Variants in BFSP2 observed in about 807,000 individuals in gnomAD.
The protein encoded by BFSP2 is phakinin.
Under a neutral mutation model 44.9 loss-of-function variants are expected in BFSP2, and 38 were observed. That is an observed-to-expected ratio of 0.85 (90% CI 0.65 to 1.11). The LOEUF (loss-of-function observed/expected upper bound fraction) is 1.11. BFSP2 is among the 50% of genes least tolerant of loss of function. The pLI is 0.00. For synonymous variants in BFSP2, 197 were observed against 209.9 expected (o/e 0.94, Z 0.53); for missense variants, 525 against 533.0 (o/e 0.99, Z 0.15).
chr3:133,428,459 G>A (rs999637323), intron 1 of BFSP2, among the ~76,000 whole-genome samples: 6 of 140,514 alleles, frequency 4.3e-5, no homozygotes, highest in East Asian at 2.1e-4. Flanking sequence ...CACATGGAAC[G>A]TGGGGACACA....
At chr3:133,471,217 G>A (rs771828896) in intron 5 of BFSP2, among the ~76,000 whole-genome samples, 57 of 152,204 alleles carry the variant, frequency 3.7e-4, no homozygotes, top group Non-Finnish European at 7.3e-4. Flanking sequence ...AACTCAGGAA[G>A]AGGAGGAACT....
At chr3:133,424,220 T>A (rs1428200611) in intron 1 of BFSP2, among the ~76,000 whole-genome samples, 1 of 62,798 alleles carries the variant, frequency 1.6e-5, no homozygotes, top group Non-Finnish European at 3.5e-5. Context: ...TAATTTTTTT[T>A]TTTTTTTTTT....
At chr3:133,419,530 C>T (rs1226635064) in intron 1 of BFSP2, among the ~76,000 whole-genome samples, 1 of 152,194 alleles carries the variant, frequency 6.6e-6, no homozygotes, top group Non-Finnish European at 1.5e-5. Flanking sequence ...GAGCTATAGT[C>T]GACACAGGCC....
intron 1 of BFSP2, among the ~76,000 whole-genome samples, chr3:133,411,953 T>C (rs755991942): frequency 9.9e-5 from 15 of 152,192 alleles, no homozygotes; most frequent in Non-Finnish European, 1.9e-4. Context: ...TTAAAAAATA[T>C]ATTAGACACG....
At chr3:133,424,583 T>C (rs1871356) in intron 1 of BFSP2, among the ~76,000 whole-genome samples, 127,693 of 152,056 alleles carry the variant, frequency 0.84, 53,866 homozygotes, top group Middle Eastern at 0.94. Context: ...CCACCTGCCA[T>C]CATGGTCCTG....
At chr3:133,453,648 C>G (rs1036662561) in intron 4 of BFSP2, among the ~76,000 whole-genome samples, 1 of 152,110 alleles carries the variant, frequency 6.6e-6, no homozygotes. Context: ...ATACCATCTC[C>G]CAACAGTTTT....
chr3:133,434,648 C>A lies in BFSP2; in HGVS notation c.490-12669C>A, dbSNP rs572716531. Among the ~76,000 whole-genome samples the A allele has an allele frequency of 7.2e-5, 11 of 152,256 alleles. No individual in the cohort carries two copies. The South Asian group carries it at 2.3e-3, about 32-fold the overall frequency. ...AAAGAAGTGAATATGCCCTGCCCCACCTTAACTGATGATATTCCACCACAA... is the reference window on the plus strand; with the variant it reads ...AAAGAAGTGAATATGCCCTGCCCCAACTTAACTGATGATATTCCACCACAA... On this transcript the variant is annotated intron_variant, in intron 1 of 6. Coordinates refer to ENST00000302334, the MANE Select transcript of BFSP2 (RefSeq NM_003571.4).
intron 4 of BFSP2, 99 bp from the exon 5 acceptor site, chr3:133,466,729 G>C (rs2074114063): frequency 1.0e-6 from 1 of 952,436 alleles, no homozygotes; most frequent in South Asian, 1.3e-5. Context: ...TATTTCCTCT[G>C]GTTAGAGGCA....
At chr3:133,415,847 CT>C (rs1250030046) in intron 1 of BFSP2, among the ~76,000 whole-genome samples, 4 of 147,830 alleles carry the variant, frequency 2.7e-5, no homozygotes, top group Admixed American at 6.7e-5. Context: ...CTACTCACCC[CT>C]GCCCTCTCCC....
chr3:133,404,567 T>G (rs932886773), intron 1 of BFSP2, among the ~76,000 whole-genome samples: 1 of 152,194 alleles, frequency 6.6e-6, no homozygotes, highest in Non-Finnish European at 1.5e-5. Context: ...CCCAGAATCA[T>G]GGAGCGAGGC....
rs1160394463 is a variant in BFSP2, at chr3:133,422,796, A to ATAGCCCAGATGTTGCCAAATG, written c.489+22224_489+22225insTAGCCCAGATGTTGCCAAATG. ...GAATATAGCCCAGGTGTTGCCAAAT[A>ATAGCCCAGATGTTGCCAAATG]GCAGGGTAGGGAGAAACTGTCCGGA... is the stretch of plus-strand genomic sequence containing the variant. On this transcript the variant is annotated intron_variant, in intron 1 of 6. Coordinates refer to ENST00000302334, the MANE Select transcript of BFSP2 (RefSeq NM_003571.4). Among the ~76,000 whole-genome samples the ATAGCCCAGATGTTGCCAAATG allele has an allele frequency of 1.5e-4, 22 of 150,604 alleles. 2 individuals are homozygous for ATAGCCCAGATGTTGCCAAATG. Among genetic ancestry groups the ATAGCCCAGATGTTGCCAAATG allele is most frequent in the East Asian group, 5.9e-4 (3 of 5,120 alleles).
intron 1 of BFSP2, among the ~76,000 whole-genome samples, chr3:133,444,374 A>G (rs2073876961): frequency 2.6e-5 from 4 of 152,286 alleles, no homozygotes; most frequent in Non-Finnish European, 2.9e-5. Context: ...TTCTCCCAGG[A>G]GGAAGGGAGT....
At chr3:133,470,053 G>A (rs2074147688) in intron 5 of BFSP2, among the ~76,000 whole-genome samples, 1 of 152,220 alleles carries the variant, frequency 6.6e-6, no homozygotes, top group Admixed American at 6.5e-5. Flanking sequence ...AACCCAGGGA[G>A]GTTGGAACAA....
intron 1 of BFSP2, among the ~76,000 whole-genome samples, chr3:133,441,498 A>C (rs1464330107): frequency 6.6e-6 from 1 of 152,148 alleles, no homozygotes; most frequent in African/African-American, 2.4e-5. Context: ...GGGCACATCT[A>C]CTTGGGGAAT....
chr3:133,428,442 G>T (rs1483654170), intron 1 of BFSP2, among the ~76,000 whole-genome samples: 2 of 151,254 alleles, frequency 1.3e-5, no homozygotes, highest in African/African-American at 4.9e-5. Context: ...GCTGTGGGGA[G>T]TGAATGCACA....
At chr3:133,458,969 C>T (rs56122007) in intron 4 of BFSP2, among the ~76,000 whole-genome samples, 5,007 of 152,220 alleles carry the variant, frequency 0.033, 279 homozygotes, top group African/African-American at 0.11. Flanking sequence ...CTTCAAAGAA[C>T]GCTCGTCCCA....
At chr3:133,416,924 G>A (rs1314901997) in intron 1 of BFSP2, among the ~76,000 whole-genome samples, 13 of 36,256 alleles carry the variant, frequency 3.6e-4, no homozygotes, top group African/African-American at 7.8e-4. Context: ...CTACTCACCC[G>A]TCCTCTGCCC....
intron 1 of BFSP2, among the ~76,000 whole-genome samples, chr3:133,421,767 C>T (rs1221753072): frequency 6.6e-6 from 1 of 152,188 alleles, no homozygotes; most frequent in Non-Finnish European, 1.5e-5. Flanking sequence ...ATCAGTATTT[C>T]TGCACCTAAC....
chr3:133,448,814 A>G, intron 3 of BFSP2, 169 bp downstream of exon 3: 1 of 855,428 alleles, frequency 1.2e-6, no homozygotes. Context: ...GAAGTGGGTC[A>G]GGTTACCCCA....
Sources: allele counts gnomAD v4.1 joint callset (sites outside exome capture counted in the v4.1 genomes callset), GRCh38; gene constraint gnomAD v4.1.1; transcripts MANE v1.5; gene names NCBI Gene and HGNC (gene_info 2026-07-23, HGNC 2026-07-21).